The following RPS6KC1 variants were observed in gnomAD, a reference collection of about 807,000 sequenced individuals.
RPS6KC1 encodes inactive ribosomal protein S6 kinase delta-1.
In RPS6KC1, 54 loss-of-function variants were observed where a neutral mutation model predicts 103.8. That is an observed-to-expected ratio of 0.52 (90% CI 0.42 to 0.65). The LOEUF is 0.65. RPS6KC1 is among the 30% of genes least tolerant of loss of function. The probability of loss-of-function intolerance (pLI) is 0.00; values close to 1 mark genes in which losing one functional copy is unlikely to be tolerated. For missense variants in RPS6KC1, 1,151 were observed against 1,253.8 expected (o/e 0.92, Z 1.24); for synonymous variants, 439 against 438.7 (o/e 1.00, Z -0.01).
the RPS6KC1 span, among the ~76,000 whole-genome samples, chr1:213,484,082 A>G: frequency 3.3e-5 from 5 of 152,206 alleles, no homozygotes; most frequent in Non-Finnish European, 7.3e-5. Flanking sequence ...AGTAATGTCA[A>G]CAAGATTTTA....
the RPS6KC1 span, among the ~76,000 whole-genome samples, chr1:213,664,142 G>A: frequency 1.3e-5 from 2 of 150,670 alleles, no homozygotes; most frequent in South Asian, 2.1e-4. Context: ...CACACTGATT[G>A]CTGGGTGATG....
chr1:213,810,761 T>C, the RPS6KC1 span, among the ~76,000 whole-genome samples: 27 of 152,250 alleles, frequency 1.8e-4, no homozygotes, highest in Non-Finnish European at 3.4e-4. Context: ...TTTTTGTGTA[T>C]TTATTTAATT....
At chr1:213,693,643 G>T in the RPS6KC1 span, among the ~76,000 whole-genome samples, 1 of 152,164 alleles carries the variant, frequency 6.6e-6, no homozygotes, top group Admixed American at 6.5e-5. Context: ...TTAGTGTCTG[G>T]CAGCCCAGGT....
the RPS6KC1 span, among the ~76,000 whole-genome samples, chr1:213,460,813 G>A: frequency 1.3e-5 from 2 of 152,088 alleles, no homozygotes; most frequent in South Asian, 2.1e-4. Flanking sequence ...GTATTTGCTT[G>A]TCTGTAAAGG....
chr1:213,487,022 G>C, the RPS6KC1 span, among the ~76,000 whole-genome samples: 20,155 of 152,120 alleles, frequency 0.13, 1,758 homozygotes, highest in Middle Eastern at 0.22. Flanking sequence ...GCAGCACCTT[G>C]AACACCTGAA....
At chr1:213,281,243 C>CGT in the RPS6KC1 span, among the ~76,000 whole-genome samples, 1 of 152,202 alleles carries the variant, frequency 6.6e-6, no homozygotes, top group African/African-American at 2.4e-5. Flanking sequence ...CTCACTTGCG[C>CGT]ATATACCTGT....
the RPS6KC1 span, among the ~76,000 whole-genome samples, chr1:213,610,049 G>A: frequency 6.6e-6 from 1 of 152,070 alleles, no homozygotes; most frequent in South Asian, 2.1e-4. Context: ...TTCGAGTACG[G>A]TTTTACATTC....
the RPS6KC1 span, among the ~76,000 whole-genome samples, chr1:213,398,544 T>A: frequency 6.6e-6 from 1 of 152,130 alleles, no homozygotes; most frequent in African/African-American, 2.4e-5. Flanking sequence ...CCTTTTCACC[T>A]AGGTTGTGAC....
chr1:213,545,413 A>AATAG, the RPS6KC1 span, among the ~76,000 whole-genome samples: 2 of 69,692 alleles, frequency 2.9e-5, no homozygotes, highest in African/African-American at 3.8e-5. Context: ...TAAATAAATA[A>AATAG]ATAAAATAAA....
At chr1:213,618,748 A>G in the RPS6KC1 span, among the ~76,000 whole-genome samples, 1 of 152,246 alleles carries the variant, frequency 6.6e-6, no homozygotes. Context: ...AAGTTCTTCA[A>G]GGTTAAACCT....
At chr1:213,328,805 A>G in the RPS6KC1 span, among the ~76,000 whole-genome samples, 240 of 152,214 alleles carry the variant, frequency 1.6e-3, 1 homozygote, top group Non-Finnish European at 2.1e-3. Context: ...TGGCTGGAAT[A>G]TGGAGTGAAA....
the RPS6KC1 span, among the ~76,000 whole-genome samples, chr1:213,566,070 A>T: frequency 6.6e-6 from 1 of 152,202 alleles, no homozygotes; most frequent in African/African-American, 2.4e-5. Context: ...CAAATGAGAG[A>T]TTGTTGGATG....
the RPS6KC1 span, among the ~76,000 whole-genome samples, chr1:213,373,778 A>G: frequency 1.3e-5 from 2 of 152,234 alleles, no homozygotes; most frequent in African/African-American, 4.8e-5. Context: ...TTCCCATAAT[A>G]TCATTGGAAA....
chr1:213,474,773 C>T, the RPS6KC1 span, among the ~76,000 whole-genome samples: 14 of 151,968 alleles, frequency 9.2e-5, no homozygotes, highest in African/African-American at 3.4e-4. Context: ...CTATTACAGA[C>T]TCCCAGGCAA....
the RPS6KC1 span, chr1:213,817,842 C>A: frequency 7.2e-5 from 11 of 151,928 alleles, 1 homozygote; most frequent in African/African-American, 2.7e-4. Context: ...CTGCAGCAAG[C>A]AAGTCTGTTG....
chr1:213,650,233 A>G, the RPS6KC1 span, among the ~76,000 whole-genome samples: 1 of 152,230 alleles, frequency 6.6e-6, no homozygotes, highest in African/African-American at 2.4e-5. Context: ...CAAAAGCATT[A>G]AGTAATGCAT....
chr1:213,711,539 GT>G, the RPS6KC1 span, among the ~76,000 whole-genome samples: 1 of 151,964 alleles, frequency 6.6e-6, no homozygotes, highest in Admixed American at 6.6e-5. Context: ...TCTCCATCCA[GT>G]TTTTTTTCCT....
At chr1:213,529,788 G>A in the RPS6KC1 span, among the ~76,000 whole-genome samples, 4 of 152,156 alleles carry the variant, frequency 2.6e-5, no homozygotes, top group Non-Finnish European at 5.9e-5. Context: ...TTGATCCCTG[G>A]CATGGGACTC....
chr1:213,684,688 C>G, the RPS6KC1 span, among the ~76,000 whole-genome samples: 1 of 152,236 alleles, frequency 6.6e-6, no homozygotes, highest in Non-Finnish European at 1.5e-5. Context: ...CCTGGCCATA[C>G]TGATTGGCTC....
Sources: gnomAD v4.1 joint callset for allele counts (sites outside exome capture counted in the v4.1 genomes callset) on GRCh38, gnomAD v4.1.1 for gene constraint, MANE v1.5 for transcripts, NCBI Gene and HGNC (gene_info 2026-07-23, HGNC 2026-07-21) for gene names.